GIPR: variants seen among roughly 807,000 people sequenced by gnomAD.
GIPR encodes GIP-R.
A neutral mutation model predicts 62.2 loss-of-function variants in GIPR; 74 were observed. The observed-to-expected ratio is 1.19, with a 90% CI of 0.99 to 1.44. The LOEUF is 1.44. Ranked by LOEUF, GIPR falls within the 40% of genes most tolerant of loss-of-function variation. GIPR has a pLI of 0.00. For missense variants in GIPR, 664 were observed against 611.8 expected, an observed-to-expected ratio of 1.09 and a Z score of -0.90; for synonymous variants, 256 against 262.2, an observed-to-expected ratio of 0.98 and a Z score of 0.23.
Position 45,674,186 on chromosome 19 carries a change from T to C in GIPR, c.488+9T>C. ...ATCTTGAGTTTGTTCAGGTGGGACCTTAACCCTGAGTGGTGGCGGCAGAGA... is the reference window on the plus strand; with the variant it reads ...ATCTTGAGTTTGTTCAGGTGGGACCCTAACCCTGAGTGGTGGCGGCAGAGA... On this transcript the variant is annotated intron_variant, in intron 6 of 13. Transcript: ENST00000590918. 1.3e-6 allele frequency: 2 copies of C among 1,579,538 alleles called. No homozygotes were observed. The highest frequency in any genetic ancestry group is 1.7e-6 in the Non-Finnish European group (2 of 1,148,418).
intron 5 of GIPR, 55 bp downstream of exon 5, chr19:45,673,009 T>C (rs1975624507): frequency 9.5e-7 from 1 of 1,054,108 alleles, no homozygotes; most frequent in Non-Finnish European, 1.5e-6. Context: ...GGAAAGGCAG[T>C]AGATTCAGGC....
Position 45,683,014 on chromosome 19 carries a change from G to A in GIPR, c.*1079G>A, listed in dbSNP as rs897639217. 1 of 152,798 alleles carries A rather than the reference G, an allele frequency of 6.5e-6. No homozygotes were observed. The highest frequency in any genetic ancestry group is 1.5e-5 in the Non-Finnish European group (1 of 68,326). The allele number at this position is 152,798 out of a possible 1,614,324, so 9.5% of individuals were successfully genotyped here. A position where few individuals can be genotyped will look rare whatever the true frequency, so the allele number is the denominator to read the frequency against. On this transcript the variant is annotated 3_prime_UTR_variant, in exon 14 of 14. Transcript: ENST00000590918. ...GGGGTATGAAGCAGTCGGATTTGAA[G>A]CTGTTTAAAAGGTGGAGGTGAGAGG...
Position 45,678,218 on chromosome 19 carries a change from T to A in GIPR, c.1144T>A (p.Ser382Thr), listed in dbSNP as rs1407447389. The A allele has an allele frequency of 7.0e-6, 11 of 1,564,586 alleles. No homozygotes were observed. The highest frequency in any genetic ancestry group is 9.5e-6 in the Non-Finnish European group (11 of 1,155,218). Residue 382 changes from serine to threonine, a missense_variant, in exon 12 of 14, where the codon TCC becomes ACC. By Grantham distance (58) the Ser-to-Thr change is moderately conservative. Coordinates refer to ENST00000590918, the MANE Select transcript of GIPR (RefSeq NM_000164.4). ...GCTCGGCTTTGAGATCTTCCTCAGC[T>A]CCTTCCAGGTGCTCAGGCAGGGTGC... ...AKLGFEIFLS[S>T]FQGFLVSVLY...
At position 45,674,522 on chromosome 19, in the gene GIPR, G is replaced by C. The variant is rs1006885299; in HGVS notation, c.489-160G>C. Reference sequence around the variant, plus strand: ...AGGGGGGCGCTGAGACAGGAGGATTGCTTGAGCTCAGGAGGTTGAGGCTGC... The same window carrying C: ...AGGGGGGCGCTGAGACAGGAGGATTCCTTGAGCTCAGGAGGTTGAGGCTGC... On this transcript the variant is annotated intron_variant, in intron 6 of 13. Transcript: ENST00000590918. 1.9e-5 allele frequency: 13 copies of C among 695,594 alleles called. No individual in the cohort carries two copies. In the African/African-American group the frequency reaches 2.3e-4, roughly 12 times the overall value. The allele number at this position is 695,594 out of a possible 1,614,324, so 43.1% of individuals were successfully genotyped here. A position where few individuals can be genotyped will look rare whatever the true frequency, so the allele number is the denominator to read the frequency against.
Position 45,672,872 on chromosome 19 carries a change from G to A in GIPR, c.302G>A (p.Arg101His), listed in dbSNP as rs115338345. The A allele has an allele frequency of 6.9e-4, 1,107 of 1,612,484 alleles. 9 individuals are homozygous for A. The African/African-American group carries it at 0.014, about 20-fold the overall frequency. The change falls in exon 5 of 14, where the codon CGC (arginine) becomes CAC (histidine). Residue 101 changes from arginine (R) to histidine (H), a missense_variant. Transcript: ENST00000590918. ...ACAGTGGCTGCAGGTTTCGTCCTCC[G>A]CCAGTGTGGCAGTGATGGCCAATGG... ...HHHVAAGFVL[R>H]QCGSDGQWGL... is the part of the protein sequence containing the mutation.
chr19:45,681,660 G>GGCCGCC lies in GIPR; in HGVS notation c.1194+19_1194+24dup. ...TCAACAAGGAGGTAGGCAGAGACCCGGCCGCCGCCCCCGCCCTCTGGCGGC... is the reference window on the plus strand; with the variant it reads ...TCAACAAGGAGGTAGGCAGAGACCCGGCCGCCGCCGCCGCCCCCGCCCTCTGGCGGC... On this transcript the variant is annotated intron_variant, in intron 13 of 13. Coordinates refer to ENST00000590918, the MANE Select transcript of GIPR (RefSeq NM_000164.4). The GGCCGCC allele has an allele frequency of 5.0e-6, 8 of 1,613,388 alleles. No homozygotes were observed. The highest frequency in any genetic ancestry group is 6.8e-6 in the Non-Finnish European group (8 of 1,179,636).
intron 7 of GIPR, among the ~76,000 whole-genome samples, chr19:45,676,510 C>A (rs34675341): frequency 6.8e-6 from 1 of 147,668 alleles, no homozygotes; most frequent in Admixed American, 6.8e-5. Context: ...CTCGGCTCAC[C>A]GCAACCTCCA....
In GIPR at chr19:45,678,124, G is replaced by A; in HGVS notation, c.1050G>A (p.Leu350=). 1 of 1,612,632 alleles carries A rather than the reference G, an allele frequency of 6.2e-7. No homozygotes were observed. Among genetic ancestry groups the A allele is most frequent in the Non-Finnish European group, 8.5e-7 (1 of 1,179,756 alleles). The part of the protein sequence containing the change: ...ARSTLTLVPL[L]GVHEVVFAPV... ...CCACGCTGACGCTGGTGCCCCTGCT[G>A]GGTGTCCACGAGGTGGTGTTTGCTC... The change falls in exon 12 of 14, where the codon CTG becomes CTA. Residue 350 remains leucine, a synonymous_variant. Transcript: ENST00000590918.
intron 4 of GIPR, among the ~76,000 whole-genome samples, chr19:45,671,842 G>A (rs1975559010): frequency 1.3e-5 from 2 of 150,660 alleles, no homozygotes; most frequent in East Asian, 4.0e-4. Flanking sequence ...GGCTGGTCTC[G>A]AACTCCTAAC....
At chr19:45,681,356 G>A (rs1169689614) in intron 12 of GIPR, among the ~76,000 whole-genome samples, 1 of 152,110 alleles carries the variant, frequency 6.6e-6, no homozygotes, top group Non-Finnish European at 1.5e-5. Flanking sequence ...TTAGCTGGGC[G>A]TGGTGGAGGG....
At chr19:45,679,366 C>A (rs1296610745) in intron 12 of GIPR, among the ~76,000 whole-genome samples, 1 of 151,682 alleles carries the variant, frequency 6.6e-6, no homozygotes, top group Non-Finnish European at 1.5e-5. Flanking sequence ...CCTGTAATCC[C>A]AGCTACTCAG....
chr19:45,670,619 T>G lies in GIPR; in HGVS notation c.73-16T>G, dbSNP rs1975483179. The stretch of plus-strand genomic sequence containing the variant: ...GGGGTCGGTCTGGGGGGGTCCTCCC[T>G]TCTTTCTTTTCCTAGACAGGCTCTA... On this transcript the variant is annotated splice_polypyrimidine_tract_variant and intron_variant, in intron 2 of 13. Coordinates refer to ENST00000590918, the MANE Select transcript of GIPR (RefSeq NM_000164.4). The G allele has an allele frequency of 6.3e-7, 1 of 1,596,410 alleles. No homozygotes were observed. The highest frequency in any genetic ancestry group is 1.1e-5 in the South Asian group (1 of 90,152).
chr19:45,675,033 C>T (rs754186151), intron 7 of GIPR: 2 of 637,936 alleles, frequency 3.1e-6, no homozygotes, highest in African/African-American at 1.8e-5. Flanking sequence ...TTTAACTCTC[C>T]CAGCCTATCA....
chr19:45,669,111 G>C (rs937886278), intron 1 of GIPR, among the ~76,000 whole-genome samples: 1 of 110,032 alleles, frequency 9.1e-6, no homozygotes, highest in African/African-American at 3.7e-5. Context: ...CGGTCCCCGG[G>C]TTCCCAGGAG....
At position 45,681,723 on chromosome 19, in the gene GIPR, T is replaced by C. The variant is rs776410538; in HGVS notation, c.1195-6T>C. 10 of 1,611,554 alleles carry C rather than the reference T, an allele frequency of 6.2e-6. No individual in the cohort carries two copies. Among genetic ancestry groups the C allele is most frequent in the Non-Finnish European group, 8.5e-6 (10 of 1,178,774 alleles). ...GGCGCCGCCTCTGAGCGCCATCGTC[T>C]CACAGGTGCAGTCGGAGATCCGCCG... On this transcript the variant is annotated splice_polypyrimidine_tract_variant and splice_region_variant and intron_variant, in intron 13 of 13. Transcript: ENST00000590918.
chr19:45,674,484 T>C lies in GIPR; in HGVS notation c.489-198T>C, dbSNP rs937736587. 7.8e-6 allele frequency: 5 copies of C among 641,052 alleles called. No individual in the cohort carries two copies. The African/African-American group carries it at 9.1e-5, about 12-fold the overall frequency. The allele number at this position is 641,052 out of a possible 1,614,324, so 39.7% of individuals were successfully genotyped here. A position where few individuals can be genotyped will look rare whatever the true frequency, so the allele number is the denominator to read the frequency against. On this transcript the variant is annotated intron_variant, in intron 6 of 13. Transcript: ENST00000590918. Reference sequence around the variant, plus strand: ...GCTAGGCATACTGGTGGTGCACCTGTGGTACCAGCTATAGGGGGGCGCTGA... The same window carrying C: ...GCTAGGCATACTGGTGGTGCACCTGCGGTACCAGCTATAGGGGGGCGCTGA...
chr19:45,679,519 C>T (rs949158024), intron 12 of GIPR, among the ~76,000 whole-genome samples: 26 of 149,650 alleles, frequency 1.7e-4, no homozygotes, highest in Non-Finnish European at 2.1e-4. Flanking sequence ...TATAGAATGT[C>T]AGATGGTGAG....
intron 5 of GIPR, among the ~76,000 whole-genome samples, chr19:45,673,830 C>T (rs1033908913): frequency 3.3e-5 from 5 of 151,826 alleles, no homozygotes; most frequent in African/African-American, 9.7e-5. Context: ...TGCCAGAGCA[C>T]TCCAGCCTGG....
chr19:45,674,296 G>T, intron 6 of GIPR, 119 bp downstream of exon 6: 1 of 778,628 alleles, frequency 1.3e-6, no homozygotes, highest in South Asian at 1.4e-5. Flanking sequence ...TCTATGGGGA[G>T]CAGTGGGGGT....
Sources: allele counts gnomAD v4.1 joint callset (sites outside exome capture counted in the v4.1 genomes callset), GRCh38; gene constraint gnomAD v4.1.1; transcripts MANE v1.5; gene names NCBI Gene and HGNC (gene_info 2026-07-23, HGNC 2026-07-21).